BCORL1: variants seen among roughly 807,000 people sequenced by gnomAD.
BCORL1 encodes the protein BCL-6 corepressor-like protein 1.
BCORL1 carries 7 observed loss-of-function variants against 87.6 expected under a neutral mutation model. That is an observed-to-expected ratio of 0.08 (90% CI 0.05 to 0.15). BCORL1 has a LOEUF of 0.15. BCORL1 is among the 10% of genes least tolerant of loss of function. BCORL1 has a pLI of 1.00. For missense variants in BCORL1, 1,215 were observed against 1,499.7 expected, an observed-to-expected ratio of 0.81 and a Z score of 3.13; for synonymous variants, 591 against 634.4, an observed-to-expected ratio of 0.93 and a Z score of 1.03.
chrX:129,986,289 GAA>G (rs1283818000), intron 1 of BCORL1, among the ~76,000 whole-genome samples: 6 of 112,276 alleles, frequency 5.3e-5, no homozygotes, highest in Non-Finnish European at 9.4e-5. Flanking sequence ...ATAGGGCAGA[GAA>G]AAGCTAAGGC....
intron 1 of BCORL1, among the ~76,000 whole-genome samples, chrX:129,983,478 C>T (rs1366483995): frequency 9.4e-6 from 1 of 106,283 alleles, no homozygotes; most frequent in African/African-American, 3.4e-5. Context: ...GAGAAAATGC[C>T]CTCCAACCTC....
At chrX:130,017,390 C>T (rs143493673) in intron 4 of BCORL1, among the ~76,000 whole-genome samples, 452 of 110,755 alleles carry the variant, frequency 4.1e-3, no homozygotes, top group Non-Finnish European at 7.2e-3. Flanking sequence ...CATCTGCGCT[C>T]GGTGGTAATA....
rs776692033 is a variant in BCORL1, at chrX:130,014,350, C to T, written c.1578C>T (p.Leu526=). ...TGGTATCTCTGGAGGTGAACAGGCTCCCCTGCACTTCCCCATCCGGTAGCA... is the reference window on the plus strand; with the variant it reads ...TGGTATCTCTGGAGGTGAACAGGCTTCCCTGCACTTCCCCATCCGGTAGCA... ...SKLVSLEVNR[L]PCTSPSGSTT... The change falls in exon 4 of 14, where the codon CTC becomes CTT. Residue 526 remains leucine, a synonymous_variant. Coordinates refer to ENST00000540052, the MANE Select transcript of BCORL1 (RefSeq NM_001379451.1). 162 of 1,209,573 alleles carry T rather than the reference C, an allele frequency of 1.3e-4. 2 individuals are homozygous for T. In the South Asian group the frequency reaches 2.5e-3, roughly 19 times the overall value.
At chrX:130,038,066 C>T (rs148923917) in intron 10 of BCORL1, among the ~76,000 whole-genome samples, 2,507 of 110,376 alleles carry the variant, frequency 0.023, 38 homozygotes, top group Middle Eastern at 0.042. Context: ...GGCCAGGCCG[C>T]ATCAGTTACT....
At position 130,015,812 on chromosome X, in the gene BCORL1, C is replaced by G. The variant is rs1360150984; in HGVS notation, c.3040C>G (p.His1014Asp). ...GATGCCTGAGCTGCCTTTGCTACCT[C>G]ACGACAGCCACCCCAAGGAACTTAT... is the stretch of plus-strand genomic sequence containing the variant. Reference protein sequence around the residue: ...PKMPELPLLPHDSHPKELILD... With the variant: ...PKMPELPLLPDDSHPKELILD... The change falls in exon 4 of 14, where the codon CAC (histidine) becomes GAC (aspartate). Residue 1014 changes from histidine (H) to aspartate (D), a missense_variant. Physicochemically the swap from His to Asp is moderately conservative, Grantham distance 81. Transcript: ENST00000540052. 1 of 1,212,001 alleles carries G rather than the reference C, an allele frequency of 8.3e-7. No individual in the cohort carries two copies. Among genetic ancestry groups the G allele is most frequent in the South Asian group, 1.8e-5 (1 of 57,002 alleles).
chrX:129,983,426 TGG>T (rs371853979), intron 1 of BCORL1, among the ~76,000 whole-genome samples: 115 of 37,253 alleles, frequency 3.1e-3, no homozygotes, highest in Middle Eastern at 0.015. Context: ...GGCTTTTTTT[TGG>T]GGGGGGGGGG....
chrX:129,993,464 C>T (rs1318071818), intron 1 of BCORL1, among the ~76,000 whole-genome samples: 1 of 112,230 alleles, frequency 8.9e-6, no homozygotes. Flanking sequence ...GGCAGGAGGA[C>T]TGCTTGAGGC....
At chrX:130,036,302 C>T (rs1930939618) in intron 9 of BCORL1, among the ~76,000 whole-genome samples, 1 of 109,500 alleles carries the variant, frequency 9.1e-6, no homozygotes, top group Non-Finnish European at 1.9e-5. Context: ...GCTCTGTCAC[C>T]TAGGCTGGAG....
chrX:130,033,226 C>T (rs1207692847), intron 8 of BCORL1, among the ~76,000 whole-genome samples: 1 of 110,301 alleles, frequency 9.1e-6, no homozygotes, highest in East Asian at 2.8e-4. Context: ...GAACTATAGG[C>T]GTGTACCACC....
Position 130,015,005 on chromosome X carries a change from C to G in BCORL1, c.2233C>G (p.Leu745Val). The G allele has an allele frequency of 8.3e-7, 1 of 1,211,955 alleles. No homozygotes were observed. The highest frequency in any genetic ancestry group is 1.1e-6 in the Non-Finnish European group (1 of 895,594). Residue 745 changes from leucine (L) to valine (V), a missense_variant, in exon 4 of 14, where the codon CTC becomes GTC. By Grantham distance (32) the Leu-to-Val change is conservative. Coordinates refer to ENST00000540052, the MANE Select transcript of BCORL1 (RefSeq NM_001379451.1). The stretch of plus-strand genomic sequence containing the variant: ...GGGCCTCAACCGTGACCCCCGCCAT[C>G]TCCCCAAGCAGGAGCCCATCTCCAT... ...NLGLNRDPRH[L>V]PKQEPISIID...
At chrX:130,040,264 G>A (rs775722370) in intron 11 of BCORL1, among the ~76,000 whole-genome samples, 2 of 112,200 alleles carry the variant, frequency 1.8e-5, no homozygotes, top group African/African-American at 6.5e-5. Flanking sequence ...AGTTAGCCCC[G>A]AACCTCTATA....
At chrX:129,989,535 C>T (rs1303257045) in intron 1 of BCORL1, among the ~76,000 whole-genome samples, 2 of 81,972 alleles carry the variant, frequency 2.4e-5, no homozygotes, top group African/African-American at 9.7e-5. Context: ...GGTGTGATCT[C>T]GGCTCACTGC....
At position 130,057,741 on chromosome X, in the gene BCORL1, A is replaced by G. The variant is rs908504767; in HGVS notation, c.*1605A>G. 1 of 106,629 alleles carries G rather than the reference A, an allele frequency of 9.4e-6. No individual in the cohort carries two copies. Among genetic ancestry groups the G allele is most frequent in the Non-Finnish European group, 1.9e-5 (1 of 51,900 alleles). 8.8% of individuals were successfully genotyped at this position (106,629 alleles called of 1,213,427 possible). A position where few individuals can be genotyped will look rare whatever the true frequency, so the allele number is the denominator to read the frequency against. On this transcript the variant is annotated 3_prime_UTR_variant, in exon 14 of 14. Coordinates refer to ENST00000540052, the MANE Select transcript of BCORL1 (RefSeq NM_001379451.1). ...GAGCATTGGTGGTTATTTTCTTTGT[A>G]TTGTGTTTGTTCTTTGTTCCTGGGG...
At chrX:130,043,770 A>G (rs867437972) in intron 11 of BCORL1, among the ~76,000 whole-genome samples, 4 of 18,965 alleles carry the variant, frequency 2.1e-4, no homozygotes, top group Non-Finnish European at 3.1e-4. Flanking sequence ...ATATATATAT[A>G]TATATATATA....
At chrX:130,016,583 T>G (rs1929465419) in intron 4 of BCORL1, among the ~76,000 whole-genome samples, 1 of 111,683 alleles carries the variant, frequency 9.0e-6, no homozygotes, top group Non-Finnish European at 1.9e-5. Context: ...TCCTTTTCCT[T>G]TACTGAGAGA....
intron 1 of BCORL1, among the ~76,000 whole-genome samples, chrX:129,989,258 C>T (rs12013044): frequency 9.4e-6 from 1 of 106,401 alleles, no homozygotes; most frequent in African/African-American, 3.4e-5. Context: ...GCCTCAGCCT[C>T]GCAAGTAGCT....
At chrX:130,021,334 C>T in intron 5 of BCORL1, 184 bp downstream of exon 5, 1 of 720,195 alleles carries the variant, frequency 1.4e-6, no homozygotes, top group Non-Finnish European at 1.6e-6. Flanking sequence ...ATCGGGGGCC[C>T]CTTCTGCTCC....
At chrX:130,001,379 G>A (rs768434437) in intron 1 of BCORL1, among the ~76,000 whole-genome samples, 4 of 112,583 alleles carry the variant, frequency 3.6e-5, no homozygotes, top group East Asian at 2.8e-4. Flanking sequence ...GTGAGCCACC[G>A]TGGCTGGCCA....
intron 2 of BCORL1, among the ~76,000 whole-genome samples, chrX:130,006,786 G>A (rs1284059049): frequency 1.8e-5 from 2 of 110,778 alleles, no homozygotes; most frequent in Non-Finnish European, 3.8e-5. Context: ...TGGCCAGGCT[G>A]GTCTCGAACT....
Sources: allele counts gnomAD v4.1 joint callset (sites outside exome capture counted in the v4.1 genomes callset), GRCh38; gene constraint gnomAD v4.1.1; transcripts MANE v1.5; gene names NCBI Gene and HGNC (gene_info 2026-07-23, HGNC 2026-07-21).